Variants in CDH18 observed in about 807,000 individuals in gnomAD.
The protein encoded by CDH18 is cadherin 18.
In CDH18, 31 loss-of-function variants were observed where a neutral mutation model predicts 67.9. The ratio of observed to expected loss-of-function variants is 0.46; its 90% CI spans 0.34 to 0.62. CDH18 has a LOEUF of 0.62. Among genes scored for constraint, CDH18 ranks in the 20% least tolerant of loss-of-function variants. The pLI is 0.01. For missense variants in CDH18, 890 were observed against 975.5 expected (o/e 0.91, Z 1.17); for synonymous variants, 362 against 347.2 (o/e 1.04, Z -0.48).
At chr5:20,064,973 A>G (rs1356099317) in intron 2 of CDH18, among the ~76,000 whole-genome samples, 1 of 152,012 alleles carries the variant, frequency 6.6e-6, no homozygotes, top group Non-Finnish European at 1.5e-5. Context: ...CTCATGCACC[A>G]GTTCTGTATT....
Position 19,571,502 on chromosome 5 carries a change from G to A in CDH18, c.1253+77C>T, listed in dbSNP as rs550916746. 2.6e-5 allele frequency: 33 copies of A among 1,262,572 alleles called. No homozygotes were observed. In the African/African-American group the frequency reaches 4.8e-4, roughly 18 times the overall value. The allele number at this position is 1,262,572 out of a possible 1,614,324, so 78.2% of individuals were successfully genotyped here. On this transcript the variant is annotated intron_variant, in intron 8 of 12. Coordinates refer to ENST00000382275, the MANE Select transcript of CDH18 (RefSeq NM_004934.5). ...AACGTAGAAATAAAACATTTTAAGT[G>A]TAATTTTATTCAAGTTTAATTAATG...
chr5:19,780,938 C>A (rs1280986239), intron 3 of CDH18, among the ~76,000 whole-genome samples: 1 of 152,024 alleles, frequency 6.6e-6, no homozygotes, highest in East Asian at 1.9e-4. Context: ...ATAAGGCCTG[C>A]TGAAGTGGTT....
At chr5:19,929,821 T>C (rs1793482956) in intron 2 of CDH18, among the ~76,000 whole-genome samples, 1 of 152,150 alleles carries the variant, frequency 6.6e-6, no homozygotes, top group South Asian at 2.1e-4. Context: ...AACTTATTTA[T>C]ATATGTTGAA....
At chr5:19,787,282 G>A (rs548502626) in intron 3 of CDH18, among the ~76,000 whole-genome samples, 5 of 151,686 alleles carry the variant, frequency 3.3e-5, no homozygotes, top group South Asian at 4.2e-4. Flanking sequence ...GTGAAACCCT[G>A]TCTCTACTAA....
intron 2 of CDH18, among the ~76,000 whole-genome samples, chr5:19,973,049 A>G (rs1443873601): frequency 6.6e-6 from 1 of 152,012 alleles, no homozygotes; most frequent in East Asian, 1.9e-4. Flanking sequence ...TCAGTAGTAG[A>G]ACAAATAACT....
At chr5:19,480,904 C>A (rs1395133223) in intron 12 of CDH18, among the ~76,000 whole-genome samples, 1 of 152,058 alleles carries the variant, frequency 6.6e-6, no homozygotes, top group African/African-American at 2.4e-5. Context: ...GTGCATGCCA[C>A]CATGACGAGC....
At chr5:19,812,009 G>A (rs1006780110) in intron 3 of CDH18, among the ~76,000 whole-genome samples, 16 of 152,126 alleles carry the variant, frequency 1.1e-4, no homozygotes, top group African/African-American at 3.9e-4. Context: ...AAGAGTGAAT[G>A]TTTAAATGAT....
Position 19,641,737 on chromosome 5 carries a change from A to T in CDH18, c.644-29136T>A, listed in dbSNP as rs145353328. Among the ~76,000 whole-genome samples, 1,134 of 152,130 alleles carry T rather than the reference A, an allele frequency of 7.5e-3. 20 individuals are homozygous for T. Among genetic ancestry groups the T allele is most frequent in the African/African-American group, 0.026 (1,090 of 41,552 alleles). On this transcript the variant is annotated intron_variant, in intron 5 of 12. Transcript: ENST00000382275. ...GCTAAAATCATAATTTATGGAAAAA[A>T]TTGAAATCTTTCTAAGATCCAGTAT...
chr5:19,742,622 T>C (rs1169549833), intron 4 of CDH18, among the ~76,000 whole-genome samples: 1 of 152,140 alleles, frequency 6.6e-6, no homozygotes. Flanking sequence ...TCAGACACCA[T>C]ATTGAAATTT....
chr5:20,243,193 A>G (rs2973198), intron 2 of CDH18, among the ~76,000 whole-genome samples: 106,505 of 151,938 alleles, frequency 0.7, 37,988 homozygotes, highest in African/African-American at 0.85. Flanking sequence ...GCCTGGAGAA[A>G]CAGGCATAGG....
chr5:19,948,585 T>C (rs73061503), intron 2 of CDH18, among the ~76,000 whole-genome samples: 8,700 of 152,228 alleles, frequency 0.057, 641 homozygotes, highest in African/African-American at 0.17. Flanking sequence ...CAGTTCTGCA[T>C]CTTGATTGTA....
At chr5:19,606,827 C>A (rs895944662) in intron 6 of CDH18, among the ~76,000 whole-genome samples, 2 of 151,678 alleles carry the variant, frequency 1.3e-5, no homozygotes, top group African/African-American at 4.8e-5. Flanking sequence ...CTTAAAAAAT[C>A]TTTACAACCA....
In CDH18 at chr5:20,260,609, A is replaced by G. The variant is rs546155921; in HGVS notation, c.-579-5104T>C. Among the ~76,000 whole-genome samples the G allele has an allele frequency of 7.9e-5, 12 of 152,254 alleles. No homozygotes were observed. In the East Asian group the frequency reaches 2.3e-3, roughly 30 times the overall value. On this transcript the variant is annotated intron_variant, in intron 1 of 14. Coordinates refer to the CDH18 transcript ENST00000507958. ...AGAGAGTGGTAGATTCCCACCTCCTATTGTACAGGTACTGTGTAATCATTT... is the reference window on the plus strand; with the variant it reads ...AGAGAGTGGTAGATTCCCACCTCCTGTTGTACAGGTACTGTGTAATCATTT...
At chr5:20,311,400 C>A (rs966681081) in intron 1 of CDH18, among the ~76,000 whole-genome samples, 1 of 152,018 alleles carries the variant, frequency 6.6e-6, no homozygotes, top group African/African-American at 2.4e-5. Flanking sequence ...CCAACCCAAA[C>A]GTCCATCAAT....
intron 1 of CDH18, among the ~76,000 whole-genome samples, chr5:20,285,245 CAG>C (rs889936982): frequency 7.3e-5 from 11 of 151,128 alleles, no homozygotes; most frequent in Non-Finnish European, 1.2e-4. Context: ...CTGGTTATAA[CAG>C]ATAAAATTTA....
intron 3 of CDH18, among the ~76,000 whole-genome samples, chr5:19,811,665 G>A (rs1002695333): frequency 2.0e-5 from 3 of 152,152 alleles, no homozygotes; most frequent in Admixed American, 6.6e-5. Context: ...AGCCAATCCA[G>A]AGAACACAAG....
In CDH18 at chr5:19,472,108, C is replaced by T. The variant is rs1561126939; in HGVS notation, c.*1118G>A. Among the ~76,000 whole-genome samples, 1 of 152,088 alleles carries T rather than the reference C, an allele frequency of 6.6e-6. No individual in the cohort carries two copies. Among genetic ancestry groups the T allele is most frequent in the Non-Finnish European group, 1.5e-5 (1 of 68,024 alleles). Reference sequence around the variant, plus strand: ...TTCCTGTTGATACCAAACTAATTATCAGTGAGATGGAAAAAATCTGAAACT... The same window carrying T: ...TTCCTGTTGATACCAAACTAATTATTAGTGAGATGGAAAAAATCTGAAACT... On this transcript the variant is annotated 3_prime_UTR_variant, in exon 13 of 13. Transcript: ENST00000382275.
intron 3 of CDH18, among the ~76,000 whole-genome samples, chr5:19,806,745 T>C (rs1247086725): frequency 6.6e-6 from 1 of 152,232 alleles, no homozygotes; most frequent in African/African-American, 2.4e-5. Flanking sequence ...CTATTAACTC[T>C]TTACAGAAAT....
At chr5:20,242,615 T>C (rs1324585950) in intron 2 of CDH18, among the ~76,000 whole-genome samples, 1 of 117,916 alleles carries the variant, frequency 8.5e-6, no homozygotes, top group Admixed American at 8.7e-5. Context: ...AAAAAAAATA[T>C]ATATATATAT....
Sources: gnomAD v4.1 joint callset for allele counts (sites outside exome capture counted in the v4.1 genomes callset) on GRCh38, gnomAD v4.1.1 for gene constraint, MANE v1.5 for transcripts, NCBI Gene and HGNC (gene_info 2026-07-23, HGNC 2026-07-21) for gene names.